Variants in ZFHX3 observed in about 807,000 individuals in gnomAD.
The protein encoded by ZFHX3 is zinc finger homeobox 3, also known as zinc finger homeobox protein 3.
A neutral mutation model predicts 279.1 loss-of-function variants in ZFHX3; 42 were observed. The ratio of observed to expected loss-of-function variants is 0.15; its 90% confidence interval spans 0.12 to 0.19. The LOEUF (loss-of-function observed/expected upper bound fraction) is 0.19, where lower values mean the gene tolerates loss of function less well. ZFHX3 is among the 10% of genes least tolerant of loss of function. The pLI is 1.00. For missense variants in ZFHX3, 4,981 were observed against 4,754.0 expected (o/e 1.05, Z -1.40); for synonymous variants, 2,293 against 1,957.8 (o/e 1.17, Z -4.52).
rs1425283148 is a variant in ZFHX3 at position 72,784,655 on chromosome 16, C to CAA, written c.*2507_*2508dup. ...TTCATCTCAAACACAGGAAGAAATA[C>CAA]AAGATTTCTTGTTAAAAGGAAATAG... On this transcript the variant is annotated 3_prime_UTR_variant, in exon 10 of 10. Coordinates refer to ENST00000268489, the MANE Select transcript of ZFHX3 (RefSeq NM_006885.4). 7 of 152,238 alleles carry CAA rather than the reference C, an allele frequency of 4.6e-5. No homozygotes were observed. Among genetic ancestry groups the CAA allele is most frequent in the African/African-American group, 7.3e-5 (3 of 41,364 alleles). 9.4% of individuals were successfully genotyped at this position (152,238 alleles called of 1,614,324 possible).
intron 2 of ZFHX3, among the ~76,000 whole-genome samples, chr16:72,955,841 G>A (rs1001410083): frequency 1.3e-5 from 2 of 148,986 alleles, no homozygotes; most frequent in African/African-American, 4.9e-5. Context: ...CCCACGTTCT[G>A]TCTTCATTCC....
intron 2 of ZFHX3, among the ~76,000 whole-genome samples, chr16:73,482,151 G>T (rs952063582): frequency 6.6e-6 from 1 of 152,220 alleles, no homozygotes; most frequent in Admixed American, 6.5e-5. Context: ...AGAGGGAAGG[G>T]AGTGGAGATT....
intron 1 of ZFHX3, among the ~76,000 whole-genome samples, chr16:73,830,499 C>T (rs1030910432): frequency 2.0e-5 from 3 of 152,166 alleles, no homozygotes; most frequent in African/African-American, 4.8e-5. Flanking sequence ...CCTGTGGGTA[C>T]ATGGGACATG....
intron 1 of ZFHX3, among the ~76,000 whole-genome samples, chr16:73,823,637 CT>C (rs1960815279): frequency 2.0e-5 from 3 of 148,104 alleles, no homozygotes; most frequent in African/African-American, 8.0e-5. Flanking sequence ...TACGCATTGT[CT>C]AGGGCTGCTT....
chr16:73,456,558 A>G (rs1470558676), intron 2 of ZFHX3, among the ~76,000 whole-genome samples: 3 of 152,238 alleles, frequency 2.0e-5, no homozygotes, highest in South Asian at 2.1e-4. Context: ...AAAACATAGG[A>G]CACTATGTTC....
At chr16:73,079,719 C>T (rs1452225429) in intron 8 of ZFHX3, among the ~76,000 whole-genome samples, 1 of 152,154 alleles carries the variant, frequency 6.6e-6, no homozygotes, top group East Asian at 1.9e-4. Flanking sequence ...AACAGTAACA[C>T]TTGCCTTGGT....
At chr16:73,119,547 C>T (rs1966472268) in intron 7 of ZFHX3, among the ~76,000 whole-genome samples, 1 of 152,210 alleles carries the variant, frequency 6.6e-6, no homozygotes, top group Non-Finnish European at 1.5e-5. Flanking sequence ...TCATTATGCT[C>T]CTGAGCGCTT....
At chr16:72,965,570 G>T (rs761188385) in intron 1 of ZFHX3, among the ~76,000 whole-genome samples, 12 of 152,188 alleles carry the variant, frequency 7.9e-5, no homozygotes, top group Non-Finnish European at 1.3e-4. Context: ...CTATGTGTCA[G>T]TCAGATGCTA....
rs562642295 is a variant in ZFHX3 at position 73,495,359 on chromosome 16, T to C, written c.-1546-39101A>G. ...CCTTAGCAGAGTTGTTCTTTAGCTC[T>C]GATCCAGTCAAGCCATCTAGGAGTT... On this transcript the variant is annotated intron_variant, in intron 2 of 17. Transcript: ENST00000641206. Among the ~76,000 whole-genome samples, 7 of 152,344 alleles carry C rather than the reference T, an allele frequency of 4.6e-5. No homozygotes were observed. In the East Asian group the frequency reaches 1.4e-3, roughly 29 times the overall value.
At chr16:73,037,168 T>C (rs532204861) in intron 1 of ZFHX3, among the ~76,000 whole-genome samples, 2 of 152,228 alleles carry the variant, frequency 1.3e-5, no homozygotes, top group African/African-American at 4.8e-5. Context: ...AGAACATACG[T>C]TTTCCAAACA....
At chr16:73,520,605 C>T (rs2019593424) in intron 2 of ZFHX3, among the ~76,000 whole-genome samples, 1 of 152,178 alleles carries the variant, frequency 6.6e-6, no homozygotes, top group Non-Finnish European at 1.5e-5. Context: ...TGGAAGAAGT[C>T]TACTGTCTCA....
intron 4 of ZFHX3, among the ~76,000 whole-genome samples, chr16:73,283,004 C>A (rs1490798083): frequency 6.6e-6 from 1 of 152,180 alleles, no homozygotes; most frequent in African/African-American, 2.4e-5. Context: ...GATATCACAT[C>A]TCAGACAGAG....
intron 1 of ZFHX3, among the ~76,000 whole-genome samples, chr16:73,885,956 G>A (rs960433180): frequency 1.3e-5 from 2 of 152,276 alleles, no homozygotes; most frequent in Non-Finnish European, 1.5e-5. Context: ...CTGACCAAAT[G>A]TTAGAGCGAA....
chr16:72,830,637 C>T (rs938990068), intron 4 of ZFHX3, among the ~76,000 whole-genome samples: 5 of 152,196 alleles, frequency 3.3e-5, no homozygotes, highest in African/African-American at 7.2e-5. Flanking sequence ...GGCAGAATGA[C>T]GGCTGCCAAC....
intron 5 of ZFHX3, among the ~76,000 whole-genome samples, chr16:73,181,332 T>C (rs1161152418): frequency 6.6e-6 from 1 of 151,932 alleles, no homozygotes; most frequent in African/African-American, 2.4e-5. Flanking sequence ...CCCACTGATC[T>C]GCCTGCCTCA....
chr16:72,835,191 C>T (rs1355633208), intron 4 of ZFHX3, among the ~76,000 whole-genome samples: 1 of 152,152 alleles, frequency 6.6e-6, no homozygotes, highest in African/African-American at 2.4e-5. Context: ...GTGCGTTTGC[C>T]TGTCGGCAGG....
chr16:73,760,793 C>T (rs1437282440), intron 1 of ZFHX3, among the ~76,000 whole-genome samples: 3 of 151,958 alleles, frequency 2.0e-5, no homozygotes, highest in Non-Finnish European at 2.9e-5. Flanking sequence ...TTAAAACTCT[C>T]AATAAAGAAA....
At chr16:73,380,274 A>G (rs2016798416) in intron 3 of ZFHX3, among the ~76,000 whole-genome samples, 1 of 152,232 alleles carries the variant, frequency 6.6e-6, no homozygotes, top group Non-Finnish European at 1.5e-5. Context: ...TAATGAAAAT[A>G]AGAGTTGGAG....
intron 5 of ZFHX3, among the ~76,000 whole-genome samples, chr16:73,217,992 G>A (rs2012274927): frequency 6.6e-6 from 1 of 152,084 alleles, no homozygotes; most frequent in African/African-American, 2.4e-5. Flanking sequence ...GTCATTTCTA[G>A]AGTATAGAAG....
Sources: gnomAD v4.1 joint callset for allele counts (sites outside exome capture counted in the v4.1 genomes callset) on GRCh38, gnomAD v4.1.1 for gene constraint, MANE v1.5 for transcripts, NCBI Gene and HGNC (gene_info 2026-07-23, HGNC 2026-07-21) for gene names.